The following STK33 variants were observed in gnomAD, a reference collection of about 807,000 sequenced individuals.
STK33 encodes serine/threonine kinase 33.
Under a neutral mutation model 58.0 loss-of-function variants are expected in STK33, and 52 were observed. That is an observed-to-expected ratio of 0.90 (90% CI 0.72 to 1.13). The LOEUF (loss-of-function observed/expected upper bound fraction) is 1.13. Ranked by LOEUF, STK33 falls within the 50% of genes most tolerant of loss-of-function variation. STK33 has a pLI of 0.00. For synonymous variants in STK33, 215 were observed against 200.1 expected, an observed-to-expected ratio of 1.07 and a Z score of -0.63; for missense variants, 630 against 604.2, an observed-to-expected ratio of 1.04 and a Z score of -0.45.
At chr11:8,480,067 A>C (rs1949668169) in intron 2 of STK33, among the ~76,000 whole-genome samples, 1 of 152,196 alleles carries the variant, frequency 6.6e-6, no homozygotes, top group Admixed American at 6.5e-5. Context: ...CTCAAAGGGA[A>C]TGTGAGAGCT....
chr11:8,393,612 G>T (rs1343626571), intron 15 of STK33, among the ~76,000 whole-genome samples: 1 of 152,206 alleles, frequency 6.6e-6, no homozygotes, highest in Admixed American at 6.5e-5. Flanking sequence ...GGTTTACAGA[G>T]AATGATCGAG....
At chr11:8,385,665 T>C in the STK33 span, among the ~76,000 whole-genome samples, 1 of 152,358 alleles carries the variant, frequency 6.6e-6, no homozygotes, top group South Asian at 2.1e-4. Flanking sequence ...TGTTGGGCAA[T>C]GGTTTTGACT....
intron 1 of STK33, among the ~76,000 whole-genome samples, chr11:8,531,754 A>T (rs138112514): frequency 1.3e-5 from 2 of 152,336 alleles, no homozygotes; most frequent in East Asian, 3.9e-4. Flanking sequence ...CCAGTGGTTG[A>T]AGCAGTCATA....
At chr11:8,449,461 T>G (rs1591159586) in intron 11 of STK33, among the ~76,000 whole-genome samples, 1 of 151,386 alleles carries the variant, frequency 6.6e-6, no homozygotes. Flanking sequence ...CCATAAAAAA[T>G]GATGAGTTCA....
At chr11:8,386,022 C>CT in the STK33 span, among the ~76,000 whole-genome samples, 1 of 152,196 alleles carries the variant, frequency 6.6e-6, no homozygotes, top group Admixed American at 6.5e-5. Flanking sequence ...ATCCACCCAC[C>CT]TTGGCCTCCC....
chr11:8,518,589 G>A (rs1423498557), intron 1 of STK33, among the ~76,000 whole-genome samples: 1 of 152,176 alleles, frequency 6.6e-6, no homozygotes, highest in Non-Finnish European at 1.5e-5. Flanking sequence ...CTGTATTCAG[G>A]AGACCCATCT....
At chr11:8,548,141 C>T (rs1956071621) in intron 1 of STK33, among the ~76,000 whole-genome samples, 1 of 151,026 alleles carries the variant, frequency 6.6e-6, no homozygotes, top group Admixed American at 6.6e-5. Context: ...TGCACATGTA[C>T]CCTAGAACTT....
the STK33 span, among the ~76,000 whole-genome samples, chr11:8,375,496 C>A: frequency 1.3e-5 from 2 of 152,176 alleles, no homozygotes; most frequent in African/African-American, 4.8e-5. Context: ...AATAGAACTA[C>A]TCAATGATTT....
At chr11:8,543,067 CAG>C (rs1179759616) in intron 1 of STK33, among the ~76,000 whole-genome samples, 1 of 152,118 alleles carries the variant, frequency 6.6e-6, no homozygotes, top group Non-Finnish European at 1.5e-5. Flanking sequence ...CCGCCCAATG[CAG>C]ACTCTGTTTT....
chr11:8,339,987 T>C, the STK33 span, among the ~76,000 whole-genome samples: 1 of 152,242 alleles, frequency 6.6e-6, no homozygotes, highest in Non-Finnish European at 1.5e-5. Flanking sequence ...GCACAGCGTC[T>C]TTTGCGCAGA....
At chr11:8,376,955 G>C in the STK33 span, among the ~76,000 whole-genome samples, 8 of 152,140 alleles carry the variant, frequency 5.3e-5, no homozygotes, top group African/African-American at 1.7e-4. Flanking sequence ...GGCAGGAAAG[G>C]CTCCACTGTA....
At chr11:8,591,843 G>C (rs948443858) in intron 1 of STK33, among the ~76,000 whole-genome samples, 4 of 151,854 alleles carry the variant, frequency 2.6e-5, no homozygotes, top group South Asian at 2.1e-4. Context: ...TGTGGGGTGG[G>C]GGGGAGTGGG....
At chr11:8,536,990 T>C (rs2140255013) in intron 1 of STK33, among the ~76,000 whole-genome samples, 1 of 123,428 alleles carries the variant, frequency 8.1e-6, no homozygotes, top group Non-Finnish European at 1.7e-5. Context: ...TTTTTTTTTT[T>C]TTTTTTTTGT....
intron 1 of STK33, among the ~76,000 whole-genome samples, chr11:8,489,663 C>T (rs1286423870): frequency 1.3e-5 from 2 of 152,170 alleles, no homozygotes; most frequent in African/African-American, 4.8e-5. Context: ...GACCTAATCA[C>T]CTCTTAAAGG....
At chr11:8,506,405 C>T (rs1301533515) in intron 1 of STK33, among the ~76,000 whole-genome samples, 1 of 152,144 alleles carries the variant, frequency 6.6e-6, no homozygotes, top group Non-Finnish European at 1.5e-5. Context: ...AACTCAGTGG[C>T]TTAAACAATA....
the STK33 span, among the ~76,000 whole-genome samples, chr11:8,362,476 T>C: frequency 6.6e-6 from 1 of 152,276 alleles, no homozygotes; most frequent in South Asian, 2.1e-4. Flanking sequence ...GGGAAATATA[T>C]TGATTCAATT....
chr11:8,553,208 T>A (rs1591763660), intron 1 of STK33, among the ~76,000 whole-genome samples: 1 of 105,904 alleles, frequency 9.4e-6, no homozygotes, highest in Non-Finnish European at 1.8e-5. Context: ...GGTGTATATA[T>A]ATATATATAT....
the STK33 span, among the ~76,000 whole-genome samples, chr11:8,337,720 G>C: frequency 1.4e-5 from 2 of 144,174 alleles, no homozygotes; most frequent in Admixed American, 7.0e-5. Flanking sequence ...CCGCTCCCCC[G>C]CCCCCAGTCC....
intron 6 of STK33, among the ~76,000 whole-genome samples, chr11:8,470,564 A>T (rs1262554449): frequency 6.6e-6 from 1 of 152,234 alleles, no homozygotes; most frequent in Non-Finnish European, 1.5e-5. Context: ...ATGGTGCAAG[A>T]GGCCTAGCTT....
Sources: gnomAD v4.1 joint callset for allele counts (sites outside exome capture counted in the v4.1 genomes callset) on GRCh38, gnomAD v4.1.1 for gene constraint, MANE v1.5 for transcripts, NCBI Gene and HGNC (gene_info 2026-07-23, HGNC 2026-07-21) for gene names.